DAOA: variants seen among roughly 807,000 people sequenced by gnomAD.
DAOA encodes D-amino acid oxidase regulator.
Under a neutral mutation model 16.4 loss-of-function variants are expected in DAOA, and 15 were observed. The ratio of observed to expected loss-of-function variants is 0.91; its 90% CI spans 0.61 to 1.41. DAOA has a LOEUF of 1.41. Among genes scored for constraint, DAOA ranks in the 40% most tolerant of loss-of-function variants. DAOA has a pLI of 0.00. For synonymous variants in DAOA, 75 were observed against 59.1 expected, an observed-to-expected ratio of 1.27 and a Z score of -1.23; for missense variants, 230 against 176.8, an observed-to-expected ratio of 1.30 and a Z score of -1.71.
At position 105,466,256 on chromosome 13, in the gene DAOA, A is replaced by G; in HGVS notation, c.-33A>G. On this transcript the variant is annotated 5_prime_UTR_variant, in exon 2 of 6. Transcript: ENST00000375936. ...TGGCAGGAGGTCTCATCTCTGCTTC[A>G]CAATGCCGATGATTTAGCTGGGAGG... 6.2e-7 allele frequency: 1 copy of G among 1,613,902 alleles called. No homozygotes were observed. The highest frequency in any genetic ancestry group is 1.1e-5 in the South Asian group (1 of 91,004).
rs878961588 is a variant in DAOA, at chr13:105,466,072, T to C, written c.-74+12T>C. The C allele has an allele frequency of 3.5e-5, 19 of 549,828 alleles. No homozygotes were observed. Among genetic ancestry groups the C allele is most frequent in the East Asian group, 1.3e-4 (4 of 30,510 alleles). The allele number at this position is 549,828 out of a possible 1,614,324, so 34.1% of individuals were successfully genotyped here. A position where few individuals can be genotyped will look rare whatever the true frequency, so the allele number is the denominator to read the frequency against. ...CAAGTAATGTGTGTGTGAGTAGTCA[T>C]TGGATACATACATAACAGTGAGCAA... is the stretch of plus-strand genomic sequence containing the variant. On this transcript the variant is annotated intron_variant, in intron 1 of 5. Coordinates refer to ENST00000375936, the MANE Select transcript of DAOA (RefSeq NM_172370.5).
chr13:105,466,456 G>C, intron 2 of DAOA, 124 bp downstream of exon 2: 3 of 1,495,802 alleles, frequency 2.0e-6, no homozygotes, highest in Non-Finnish European at 2.7e-6. Flanking sequence ...AGGGTTGGAA[G>C]CCTGAGCCCA....
chr13:105,484,669 A>T (rs1311111151), intron 4 of DAOA, among the ~76,000 whole-genome samples: 3 of 151,900 alleles, frequency 2.0e-5, no homozygotes, highest in Admixed American at 6.6e-5. Flanking sequence ...GAATTTTGAA[A>T]CCTCACTAAA....
intron 4 of DAOA, among the ~76,000 whole-genome samples, chr13:105,482,897 G>C (rs1259910270): frequency 6.6e-6 from 1 of 151,960 alleles, no homozygotes; most frequent in East Asian, 1.9e-4. Flanking sequence ...ACACTAAACT[G>C]TACATATTTA....
Position 105,490,063 on chromosome 13 carries a change from T to G in DAOA, c.444T>G (p.Thr148=). 6.4e-7 allele frequency: 1 copy of G among 1,568,152 alleles called. No individual in the cohort carries two copies. Among genetic ancestry groups the G allele is most frequent in the Non-Finnish European group, 8.7e-7 (1 of 1,155,450 alleles). The change falls in exon 5 of 6, where the codon ACT becomes ACG. Residue 148 remains threonine (T), a synonymous_variant. Transcript: ENST00000375936. ...KDQSCNHKEI[T]STKAE is the part of the protein sequence containing the mutation. ...AGTCATGCAACCACAAGGAAATAAC[T>G]TCTACCAAAGCTGAATGAGTTTGGA...
chr13:105,489,979 G>C lies in DAOA; in HGVS notation c.360G>C (p.Lys120Asn). 6.2e-7 allele frequency: 1 copy of C among 1,613,454 alleles called. No individual in the cohort carries two copies. The highest frequency in any genetic ancestry group is 1.7e-4 in the Middle Eastern group (1 of 6,060). The change falls in exon 5 of 6, where the codon AAG becomes AAC. Residue 120 changes from lysine (K) to asparagine (N), a missense_variant. By Grantham distance (94) the Lys-to-Asn change is moderately conservative. Transcript: ENST00000375936. ...AGTTCCTTGCCTATGAGGCCTCTAAGGACCGCAGGCAGCCTCTAGAACGAA... is the reference window on the plus strand; with the variant it reads ...AGTTCCTTGCCTATGAGGCCTCTAACGACCGCAGGCAGCCTCTAGAACGAA... ...NYEFLAYEAS[K>N]DRRQPLERMW...
chr13:105,487,575 A>C (rs1878216172), intron 4 of DAOA, among the ~76,000 whole-genome samples: 1 of 130,342 alleles, frequency 7.7e-6, no homozygotes, highest in Admixed American at 7.6e-5. Context: ...AAACTATTAC[A>C]GGAAAAAGAA....
chr13:105,472,399 T>C, intron 3 of DAOA, 139 bp from the exon 4 acceptor site: 1 of 1,194,262 alleles, frequency 8.4e-7, no homozygotes, highest in Non-Finnish European at 1.1e-6. Flanking sequence ...GAGGGAATTT[T>C]GTCTTAACCA....
chr13:105,488,195 C>A (rs1386041074), intron 4 of DAOA, among the ~76,000 whole-genome samples: 1 of 152,206 alleles, frequency 6.6e-6, no homozygotes, highest in African/African-American at 2.4e-5. Flanking sequence ...CTCCAACCCC[C>A]AACCTGCCTG....
intron 4 of DAOA, among the ~76,000 whole-genome samples, chr13:105,478,169 C>T (rs1594111724): frequency 6.6e-6 from 1 of 152,182 alleles, no homozygotes; most frequent in Non-Finnish European, 1.5e-5. Flanking sequence ...TCTAACAATA[C>T]AGCTGCACTT....
At chr13:105,477,439 T>C (rs1048722397) in intron 4 of DAOA, among the ~76,000 whole-genome samples, 3 of 152,188 alleles carry the variant, frequency 2.0e-5, no homozygotes, top group Non-Finnish European at 4.4e-5. Flanking sequence ...ATGTAAAAAT[T>C]AGAAACTAAC....
At chr13:105,490,244 T>A (rs1365324901) in intron 5 of DAOA, 52 bp downstream of exon 5, 1 of 886,324 alleles carries the variant, frequency 1.1e-6, no homozygotes, top group Non-Finnish European at 1.4e-6. Context: ...TGAAATATAA[T>A]TTTTATGAAT....
intron 4 of DAOA, 104 bp downstream of exon 4, chr13:105,472,789 C>T: frequency 9.9e-7 from 1 of 1,011,668 alleles, no homozygotes. Flanking sequence ...TTAGATTATA[C>T]TTCATGTTGA....
At chr13:105,470,924 G>A (rs1026986750) in intron 3 of DAOA, among the ~76,000 whole-genome samples, 3 of 152,062 alleles carry the variant, frequency 2.0e-5, no homozygotes, top group Non-Finnish European at 4.4e-5. Context: ...CCGAGTAGCT[G>A]GGACTACAGG....
chr13:105,466,538 T>C, intron 2 of DAOA: 1 of 768,016 alleles, frequency 1.3e-6, no homozygotes, highest in Non-Finnish European at 2.0e-6. Flanking sequence ...ATCACTCATG[T>C]TAATGAGGAG....
At chr13:105,479,721 C>T (rs368159026) in intron 4 of DAOA, among the ~76,000 whole-genome samples, 1 of 152,282 alleles carries the variant, frequency 6.6e-6, no homozygotes, top group South Asian at 2.1e-4. Context: ...CACAATGACC[C>T]TATTTCCAAA....
intron 4 of DAOA, among the ~76,000 whole-genome samples, chr13:105,487,401 T>C (rs1012865561): frequency 6.6e-6 from 1 of 152,162 alleles, no homozygotes; most frequent in Admixed American, 6.6e-5. Context: ...CCTGTATCTT[T>C]ATAAGAGCAT....
At position 105,472,622 on chromosome 13, in the gene DAOA, C is replaced by T; in HGVS notation, c.218C>T (p.Ala73Val). The T allele has an allele frequency of 6.2e-7, 1 of 1,614,040 alleles. No homozygotes were observed. Among genetic ancestry groups the T allele is most frequent in the Non-Finnish European group, 8.5e-7 (1 of 1,179,922 alleles). The change falls in exon 4 of 6, where the codon GCA (alanine) becomes GTA (valine). Residue 73 changes from alanine (A) to valine (V), a missense_variant. By Grantham distance (64) the Ala-to-Val change is moderately conservative. Coordinates refer to ENST00000375936, the MANE Select transcript of DAOA (RefSeq NM_172370.5). ...RRHEDGYLEM[A>V]QRHLQRSLCP... ...CATGAGGACGGCTATTTGGAAATGG[C>T]ACAGAGGCATTTACAGAGATCATTA... is the stretch of plus-strand genomic sequence containing the variant.
At chr13:105,466,149 G>C in intron 1 of DAOA, 67 bp from the exon 2 acceptor site, 1 of 1,346,404 alleles carries the variant, frequency 7.4e-7, no homozygotes, top group Non-Finnish European at 1.0e-6. Context: ...CTGCAAAAGA[G>C]CTACACCCCA....
Sources: gnomAD v4.1 joint callset for allele counts (sites outside exome capture counted in the v4.1 genomes callset) on GRCh38, gnomAD v4.1.1 for gene constraint, MANE v1.5 for transcripts, NCBI Gene and HGNC (gene_info 2026-07-23, HGNC 2026-07-21) for gene names.